Variants in PDE4D observed in about 807,000 individuals in gnomAD.
The protein encoded by PDE4D is phosphodiesterase 4D, also known as 3',5'-cyclic-AMP phosphodiesterase 4D.
In PDE4D, 24 loss-of-function variants were observed where a neutral mutation model predicts 87.4. The ratio of observed to expected loss-of-function variants is 0.27; its 90% CI spans 0.20 to 0.39. The LOEUF is 0.39. PDE4D is among the 10% of genes least tolerant of loss of function. The pLI is 1.00. For synonymous variants in PDE4D, 384 were observed against 383.2 expected (o/e 1.00, Z -0.02); for missense variants, 714 against 1,041.0 (o/e 0.69, Z 4.32).
intron 1 of PDE4D, among the ~76,000 whole-genome samples, chr5:59,448,172 T>G (rs2153639070): frequency 6.6e-6 from 1 of 152,348 alleles, no homozygotes; most frequent in African/African-American, 2.4e-5. Flanking sequence ...GGCTAAAGTA[T>G]TTTGTAAAAT....
At chr5:59,514,977 A>G (rs1190934613) in intron 1 of PDE4D, among the ~76,000 whole-genome samples, 3 of 152,230 alleles carry the variant, frequency 2.0e-5, no homozygotes, top group African/African-American at 7.2e-5. Flanking sequence ...AGCAATAAAT[A>G]CATATTTTTC....
intron 6 of PDE4D, among the ~76,000 whole-genome samples, chr5:59,011,336 A>C (rs1752764069): frequency 6.6e-6 from 1 of 152,156 alleles, no homozygotes; most frequent in Admixed American, 6.5e-5. Flanking sequence ...ACGATGGGTA[A>C]TAAACTTTTC....
rs1273883946 is a variant in PDE4D at position 59,902,168 on chromosome 5, A to G, written c.272+86320T>C. On this transcript the variant is annotated intron_variant, in intron 3 of 16. Transcript: ENST00000502484. The stretch of plus-strand genomic sequence containing the variant: ...AACAAAGCAAGTAGCAGAAGACAAC[A>G]AACAGAATGTCATTCTTATAACACT... Among the ~76,000 whole-genome samples, 5 of 152,160 alleles carry G rather than the reference A, an allele frequency of 3.3e-5. No individual in the cohort carries two copies. The East Asian group carries it at 9.6e-4, about 29-fold the overall frequency.
rs1781579891 is a variant in PDE4D at position 60,152,353 on chromosome 5, T to A, written c.42+33204A>T. On this transcript the variant is annotated intron_variant, in intron 2 of 16. Transcript: ENST00000502484. ...TGTTAATTCTTCTTTAAATGTTTGG[T>A]AGAATTTACCAATGAGGGGGCCAGG... Among the ~76,000 whole-genome samples, 4 of 152,212 alleles carry A rather than the reference T, an allele frequency of 2.6e-5. No homozygotes were observed. The South Asian group carries it at 8.3e-4, about 32-fold the overall frequency.
At chr5:58,996,622 T>C (rs532837687) in intron 6 of PDE4D, among the ~76,000 whole-genome samples, 2 of 152,282 alleles carry the variant, frequency 1.3e-5, no homozygotes, top group East Asian at 1.9e-4. Context: ...TAAAGATAGA[T>C]AGAGACCCAG....
intron 1 of PDE4D, among the ~76,000 whole-genome samples, chr5:59,755,126 T>C (rs1761037871): frequency 6.6e-6 from 1 of 152,174 alleles, no homozygotes; most frequent in South Asian, 2.1e-4. Flanking sequence ...GAAGCTTATT[T>C]CCTTTCCAAA....
chr5:60,083,863 T>C (rs910093537), intron 2 of PDE4D, among the ~76,000 whole-genome samples: 4 of 152,214 alleles, frequency 2.6e-5, no homozygotes, highest in African/African-American at 9.6e-5. Flanking sequence ...ACGGTTATGG[T>C]CTGGCCTGGT....
chr5:59,150,717 T>G (rs1779355046), intron 5 of PDE4D, among the ~76,000 whole-genome samples: 2 of 152,168 alleles, frequency 1.3e-5, no homozygotes, highest in African/African-American at 2.4e-5. Context: ...CAATAATCTA[T>G]AATATTTAAC....
intron 1 of PDE4D, among the ~76,000 whole-genome samples, chr5:59,617,875 T>C (rs573003292): frequency 6.6e-6 from 1 of 152,312 alleles, no homozygotes; most frequent in South Asian, 2.1e-4. Flanking sequence ...CATTCTGACT[T>C]CAACTCCTAC....
intron 1 of PDE4D, among the ~76,000 whole-genome samples, chr5:59,671,784 G>C (rs1453465046): frequency 6.6e-6 from 1 of 151,188 alleles, no homozygotes; most frequent in Non-Finnish European, 1.5e-5. Context: ...TCCAGCCTGG[G>C]TGACAAAGGG....
intron 1 of PDE4D, among the ~76,000 whole-genome samples, chr5:59,682,812 G>C (rs1749242849): frequency 6.6e-6 from 1 of 152,150 alleles, no homozygotes; most frequent in Non-Finnish European, 1.5e-5. Flanking sequence ...GAAGACTATG[G>C]TAGTTTGTTA....
chr5:59,526,261 C>A (rs1813109913), intron 1 of PDE4D, among the ~76,000 whole-genome samples: 1 of 152,138 alleles, frequency 6.6e-6, no homozygotes, highest in African/African-American at 2.4e-5. Flanking sequence ...TATGTCCACT[C>A]TCAATATAAA....
chr5:59,991,190 C>A (rs1433421872), intron 2 of PDE4D, among the ~76,000 whole-genome samples: 1 of 152,052 alleles, frequency 6.6e-6, no homozygotes, highest in Non-Finnish European at 1.5e-5. Flanking sequence ...CCTGCTCTGC[C>A]AGTAATTACT....
intron 1 of PDE4D, among the ~76,000 whole-genome samples, chr5:59,361,774 C>T (rs1174225507): frequency 6.6e-6 from 1 of 152,118 alleles, no homozygotes; most frequent in Non-Finnish European, 1.5e-5. Context: ...ACATAAAAAC[C>T]ACAATTATGT....
chr5:58,972,900 G>GCAT lies in PDE4D; in HGVS notation c.*1761_*1763dup, dbSNP rs1274090770. ...ACCAATATAATAAATATTTTAGGAT[G>GCAT]CATCACAGTACTAACCCTCTGGTGC... On this transcript the variant is annotated 3_prime_UTR_variant, in exon 15 of 15. Coordinates refer to ENST00000340635, the MANE Select transcript of PDE4D (RefSeq NM_001104631.2). The GCAT allele has an allele frequency of 2.0e-5, 3 of 152,084 alleles. No homozygotes were observed. The highest frequency in any genetic ancestry group is 7.2e-5 in the African/African-American group (3 of 41,410). 9.4% of individuals were successfully genotyped at this position (152,084 alleles called of 1,614,324 possible).
At chr5:59,948,834 A>G (rs1341523500) in intron 3 of PDE4D, among the ~76,000 whole-genome samples, 2 of 152,212 alleles carry the variant, frequency 1.3e-5, no homozygotes, top group African/African-American at 4.8e-5. Flanking sequence ...TCTAATTCTG[A>G]CTTAGCCACG....
At chr5:59,684,426 CA>C (rs1231185596) in intron 1 of PDE4D, among the ~76,000 whole-genome samples, 3 of 151,880 alleles carry the variant, frequency 2.0e-5, no homozygotes, top group Non-Finnish European at 4.4e-5. Flanking sequence ...TAACAAAAAA[CA>C]ATAAATATCA....
intron 3 of PDE4D, among the ~76,000 whole-genome samples, chr5:59,971,657 G>A (rs1399918716): frequency 2.0e-5 from 3 of 152,070 alleles, no homozygotes; most frequent in African/African-American, 7.2e-5. Flanking sequence ...CATCTCAAGA[G>A]ACTCTTCTCT....
At position 59,583,614 on chromosome 5, in the gene PDE4D, G is replaced by A. The variant is rs535073850; in HGVS notation, c.455+309554C>T. ...ATACCACTCTTTTAGCACGGAAGGG[G>A]TAGTGTTCTATTAAACCAAGTAATA... is the stretch of plus-strand genomic sequence containing the variant. On this transcript the variant is annotated intron_variant, in intron 1 of 14. Transcript: ENST00000340635. Among the ~76,000 whole-genome samples the A allele has an allele frequency of 1.6e-3, 247 of 152,318 alleles. 1 individual carries two copies. Among genetic ancestry groups the A allele is most frequent in the Non-Finnish European group, 2.9e-3 (200 of 68,030 alleles).
Sources: allele counts gnomAD v4.1 joint callset (sites outside exome capture counted in the v4.1 genomes callset), GRCh38; gene constraint gnomAD v4.1.1; transcripts MANE v1.5; gene names NCBI Gene and HGNC (gene_info 2026-07-23, HGNC 2026-07-21).